The following WWP2 variants were observed in gnomAD, a reference collection of about 807,000 sequenced individuals.
WWP2 encodes the protein WW domain containing E3 ubiquitin protein ligase 2, also known as NEDD4-like E3 ubiquitin-protein ligase WWP2.
A neutral mutation model predicts 121.0 loss-of-function variants in WWP2; 57 were observed. The observed-to-expected ratio is 0.47, with a 90% CI of 0.38 to 0.59. The LOEUF (loss-of-function observed/expected upper bound fraction) is 0.59, where lower values mean the gene tolerates loss of function less well. Ranked by LOEUF, WWP2 falls within the 20% of genes least tolerant of loss-of-function variation. The pLI is 0.00. For synonymous variants in WWP2, 449 were observed against 441.3 expected (o/e 1.02, Z -0.22); for missense variants, 962 against 1,158.9 (o/e 0.83, Z 2.47).
intron 7 of WWP2, among the ~76,000 whole-genome samples, chr16:69,876,386 A>T (rs1478421184): frequency 5.6e-5 from 8 of 141,702 alleles, no homozygotes; most frequent in African/African-American, 2.1e-4. Context: ...TGTTTTTGAG[A>T]TGCAGTCTCA....
At position 69,934,008 on chromosome 16, in the gene WWP2, C is replaced by A; in HGVS notation, c.1721C>A (p.Pro574His). The change falls in exon 17 of 24, where the codon CCT becomes CAT. Residue 574 changes from proline to histidine, a missense_variant. By Grantham distance (77) the Pro-to-His change is moderately conservative. This residue lies in a region of WWP2 where 606 missense variants were observed against 772.6 expected (regional missense o/e 0.78). Coordinates refer to ENST00000359154, the MANE Select transcript of WWP2 (RefSeq NM_001270454.2). The part of the protein sequence containing the change: ...FFLLSHEVLN[P>H]MYCLFEYAGK... ...CTCCTGTCTCATGAGGTGCTCAACCCTATGTATTGTTTATTTGAATATGCC... is the reference window on the plus strand; with the variant it reads ...CTCCTGTCTCATGAGGTGCTCAACCATATGTATTGTTTATTTGAATATGCC... 6.2e-7 allele frequency: 1 copy of A among 1,614,136 alleles called. No homozygotes were observed. Among genetic ancestry groups the A allele is most frequent in the Non-Finnish European group, 8.5e-7 (1 of 1,180,008 alleles).
chr16:69,783,780 T>TACAACAACAACAACAACAACAACA lies in WWP2; in HGVS notation c.-15-3214_-15-3191dup, dbSNP rs55923742. Among the ~76,000 whole-genome samples the TACAACAACAACAACAACAACAACA allele has an allele frequency of 1.3e-3, 197 of 149,828 alleles. 2 individuals are homozygous for TACAACAACAACAACAACAACAACA. Among genetic ancestry groups the TACAACAACAACAACAACAACAACA allele is most frequent in the Admixed American group, 3.5e-3 (52 of 14,850 alleles). On this transcript the variant is annotated intron_variant, in intron 1 of 23. Transcript: ENST00000359154. The stretch of plus-strand genomic sequence containing the variant: ...GGGCAACGTAGTGAGACCTTGTTTC[T>TACAACAACAACAACAACAACAACA]ACAACAACAACAACAACAACAACAA...
rs575912318 is a variant in WWP2 at position 69,780,146 on chromosome 16, C to T, written c.-15-6850C>T. 6.6e-5 allele frequency among the ~76,000 whole-genome samples: 10 copies of T among 152,222 alleles called. 1 individual carries two copies. Among genetic ancestry groups the T allele is most frequent in the African/African-American group, 1.7e-4 (7 of 41,548 alleles). On this transcript the variant is annotated intron_variant, in intron 1 of 23. Coordinates refer to ENST00000359154, the MANE Select transcript of WWP2 (RefSeq NM_001270454.2). ...TGAACTTGGTGTGGTTCCTTCCCGTCGTACTTTTATACTTTTAAACGTTTG... is the reference window on the plus strand; with the variant it reads ...TGAACTTGGTGTGGTTCCTTCCCGTTGTACTTTTATACTTTTAAACGTTTG...
At position 69,934,102 on chromosome 16, in the gene WWP2, T is replaced by G; in HGVS notation, c.1815T>G (p.Phe605Leu). ...TCAACCCGGACCACCTCACCTACTT[T>G]CGCTTTATAGGCAGATTCATCGCCA... Reference protein sequence around the residue: ...SSINPDHLTYFRFIGRFIAMA... With the variant: ...SSINPDHLTYLRFIGRFIAMA... The change falls in exon 17 of 24, where the codon TTT becomes TTG. Residue 605 changes from phenylalanine to leucine, a missense_variant. Transcript: ENST00000359154. 1 of 1,614,140 alleles carries G rather than the reference T, an allele frequency of 6.2e-7. No homozygotes were observed. The highest frequency in any genetic ancestry group is 1.7e-5 in the Admixed American group (1 of 60,024).
In WWP2 at chr16:69,925,339, T is replaced by C; in HGVS notation, c.1180-91T>C. ...CAAAGCGCTCAAATGTGGAAGCCAGTCATTGGCATTTTTATTTTTTATTGA... is the reference window on the plus strand; with the variant it reads ...CAAAGCGCTCAAATGTGGAAGCCAGCCATTGGCATTTTTATTTTTTATTGA... On this transcript the variant is annotated intron_variant, in intron 10 of 23. Coordinates refer to ENST00000359154, the MANE Select transcript of WWP2 (RefSeq NM_001270454.2). This position sits in a 1 kb window ranked among gnomAD's most constrained non-coding sequence, Gnocchi z 4.0. The C allele has an allele frequency of 6.4e-7, 1 of 1,570,290 alleles. No homozygotes were observed. The highest frequency in any genetic ancestry group is 2.3e-5 in the East Asian group (1 of 44,174).
At chr16:69,901,604 G>A (rs1390335621) in intron 8 of WWP2, among the ~76,000 whole-genome samples, 6 of 152,074 alleles carry the variant, frequency 3.9e-5, no homozygotes, top group South Asian at 2.1e-4. Context: ...GAGTAGAGAC[G>A]GGGTTTCACA....
chr16:69,822,597 T>C (rs1251442434), intron 4 of WWP2, among the ~76,000 whole-genome samples: 1 of 151,898 alleles, frequency 6.6e-6, no homozygotes, highest in Non-Finnish European at 1.5e-5. Flanking sequence ...GAAGGCTTCC[T>C]GGAGGAAGTG....
chr16:69,894,028 G>A (rs1374578825), intron 8 of WWP2, among the ~76,000 whole-genome samples: 1 of 151,896 alleles, frequency 6.6e-6, no homozygotes, highest in Non-Finnish European at 1.5e-5. Context: ...AGTGACAGGA[G>A]CAAGGTTCTC....
intron 2 of WWP2, among the ~76,000 whole-genome samples, chr16:69,794,736 A>G (rs1383405186): frequency 6.6e-6 from 1 of 152,244 alleles, no homozygotes; most frequent in East Asian, 1.9e-4. Context: ...GTCTTTAAAA[A>G]TCATTGTTGC....
At chr16:69,910,334 A>T (rs2058360432) in intron 9 of WWP2, 1 of 976,798 alleles carries the variant, frequency 1.0e-6, no homozygotes, top group African/African-American at 1.8e-5. Context: ...CATTGACTTT[A>T]ACAGTATGTA....
At chr16:69,879,619 C>G (rs1421403759) in intron 7 of WWP2, among the ~76,000 whole-genome samples, 1 of 152,198 alleles carries the variant, frequency 6.6e-6, no homozygotes, top group Non-Finnish European at 1.5e-5. Context: ...CTCCATTCAT[C>G]TGTAGATGGA....
intron 1 of WWP2, chr16:69,776,319 C>T (rs1164161106): frequency 6.6e-6 from 1 of 152,184 alleles, no homozygotes; most frequent in South Asian, 2.1e-4. Context: ...ATGGTTACTT[C>T]CCACAACTAG....
intron 2 of WWP2, among the ~76,000 whole-genome samples, chr16:69,798,304 A>G (rs1341531509): frequency 6.6e-6 from 1 of 152,244 alleles, no homozygotes; most frequent in East Asian, 1.9e-4. Context: ...CAATGAAAGA[A>G]TAGTTAACAT....
chr16:69,872,494 C>T (rs1428147541), intron 7 of WWP2, among the ~76,000 whole-genome samples: 11 of 152,238 alleles, frequency 7.2e-5, no homozygotes, highest in African/African-American at 9.6e-5. Context: ...GGATTACAGA[C>T]GTGAGCCACT....
At chr16:69,874,836 G>T (rs764567108) in intron 7 of WWP2, among the ~76,000 whole-genome samples, 1 of 152,030 alleles carries the variant, frequency 6.6e-6, no homozygotes. Flanking sequence ...CCAGTGACTC[G>T]CTAGGTCTTA....
At chr16:69,769,057 G>A (rs2055358512) in intron 1 of WWP2, among the ~76,000 whole-genome samples, 1 of 152,078 alleles carries the variant, frequency 6.6e-6, no homozygotes, top group South Asian at 2.1e-4. Flanking sequence ...AGTGGCTCAC[G>A]CCTGTAATCC....
intron 7 of WWP2, 97 bp downstream of exon 7, chr16:69,872,028 G>A (rs2057649632): frequency 4.0e-6 from 6 of 1,486,478 alleles, no homozygotes; most frequent in South Asian, 4.0e-5. Context: ...TCAGAATAGA[G>A]GGTGGGCGTC....
intron 8 of WWP2, among the ~76,000 whole-genome samples, chr16:69,903,763 T>A (rs2058243141): frequency 6.9e-6 from 1 of 144,014 alleles, no homozygotes. Context: ...CAAGAATCTG[T>A]CTCAAAAAAA....
At chr16:69,835,769 C>G (rs2056865294) in intron 4 of WWP2, among the ~76,000 whole-genome samples, 2 of 151,846 alleles carry the variant, frequency 1.3e-5, no homozygotes, top group Non-Finnish European at 1.5e-5. Context: ...TTGCGTCTCC[C>G]AAGAATAAGA....
Sources: gnomAD v4.1 joint callset for allele counts (sites outside exome capture counted in the v4.1 genomes callset) on GRCh38, gnomAD v4.1.1 for gene constraint, gnomAD v4.1.1 regional missense constraint, Gnocchi (gnomAD v3.1) non-coding constraint, MANE v1.5 for transcripts, NCBI Gene and HGNC (gene_info 2026-07-23, HGNC 2026-07-21) for gene names.